Variants in RGS6 observed in about 807,000 individuals in gnomAD.
RGS6 encodes the protein regulator of G-protein signaling 6.
Under a neutral mutation model 78.5 loss-of-function variants are expected in RGS6, and 30 were observed. The observed-to-expected ratio is 0.38, with a 90% confidence interval of 0.29 to 0.52. The LOEUF (loss-of-function observed/expected upper bound fraction) is 0.52, where lower values mean the gene tolerates loss of function less well. Among genes scored for constraint, RGS6 ranks in the 20% least tolerant of loss-of-function variants. RGS6 has a pLI of 0.85. For missense variants in RGS6, 495 were observed against 609.7 expected, an observed-to-expected ratio of 0.81 and a Z score of 1.98; for synonymous variants, 206 against 206.0, an observed-to-expected ratio of 1.00 and a Z score of 0.00.
At chr14:72,589,395 C>A in the RGS6 span, among the ~76,000 whole-genome samples, 1 of 152,100 alleles carries the variant, frequency 6.6e-6, no homozygotes, top group African/African-American at 2.4e-5. Context: ...ACAAAAAATA[C>A]AAATATTAGC....
At chr14:72,070,148 C>G (rs77887166) in intron 2 of RGS6, among the ~76,000 whole-genome samples, 313 of 152,164 alleles carry the variant, frequency 2.1e-3, no homozygotes, top group African/African-American at 7.1e-3. Flanking sequence ...CTCTCTCTCT[C>G]TGTCTCTCTC....
chr14:72,544,924 G>A (rs1405220725), intron 17 of RGS6, among the ~76,000 whole-genome samples: 2 of 152,232 alleles, frequency 1.3e-5, no homozygotes, highest in Non-Finnish European at 2.9e-5. Flanking sequence ...CAGGGGAGGG[G>A]GCAGGCAGGC....
chr14:72,397,183 G>C (rs557182314), intron 3 of RGS6, among the ~76,000 whole-genome samples: 4 of 152,194 alleles, frequency 2.6e-5, no homozygotes, highest in Non-Finnish European at 4.4e-5. Context: ...TCCTAGCCTT[G>C]AGCATGGAAT....
the RGS6 span, among the ~76,000 whole-genome samples, chr14:72,587,732 T>C: frequency 0.36 from 55,223 of 151,808 alleles, 10,892 homozygotes; most frequent in Non-Finnish European, 0.43. Context: ...ATGAGTCCTA[T>C]CCAAATCTCA....
chr14:72,306,345 A>C (rs2067238874), intron 2 of RGS6, among the ~76,000 whole-genome samples: 2 of 152,246 alleles, frequency 1.3e-5, no homozygotes, highest in South Asian at 4.1e-4. Context: ...TGTTGTTTTC[A>C]TGCCTGCTAA....
the RGS6 span, among the ~76,000 whole-genome samples, chr14:71,886,441 G>T: frequency 6.6e-6 from 1 of 152,242 alleles, no homozygotes; most frequent in African/African-American, 2.4e-5. Context: ...TGAGTGAGTT[G>T]TGTTCTAATC....
chr14:72,293,603 A>G (rs1470645318), intron 2 of RGS6, among the ~76,000 whole-genome samples: 2 of 152,158 alleles, frequency 1.3e-5, no homozygotes, highest in Non-Finnish European at 2.9e-5. Flanking sequence ...CTTAGAATCC[A>G]TAGGATCCAG....
At chr14:72,492,307 A>G (rs745367784) in intron 12 of RGS6, among the ~76,000 whole-genome samples, 3 of 152,192 alleles carry the variant, frequency 2.0e-5, no homozygotes, top group Non-Finnish European at 2.9e-5. Context: ...TGATTGGACA[A>G]AAGGGTGTGA....
intron 2 of RGS6, among the ~76,000 whole-genome samples, chr14:72,317,332 T>G (rs1004941059): frequency 6.6e-6 from 1 of 152,150 alleles, no homozygotes; most frequent in Non-Finnish European, 1.5e-5. Flanking sequence ...GAGGTTAAAG[T>G]GTTCTAATTT....
At chr14:72,336,534 A>AGAGAGAGC (rs1400111040) in intron 2 of RGS6, among the ~76,000 whole-genome samples, 1 of 141,692 alleles carries the variant, frequency 7.1e-6, no homozygotes, top group African/African-American at 2.7e-5. Context: ...AGAGAGAGAG[A>AGAGAGAGC]GCGCGCATAG....
chr14:72,014,531 G>A lies in RGS6; in HGVS notation c.84+49656G>A, dbSNP rs141407087. 2.0e-3 allele frequency among the ~76,000 whole-genome samples: 307 copies of A among 152,332 alleles called. 3 individuals are homozygous for A. The highest frequency in any genetic ancestry group is 3.7e-3 in the Non-Finnish European group (254 of 68,036). On this transcript the variant is annotated intron_variant, in intron 2 of 17. Coordinates refer to ENST00000553525, the MANE Select transcript of RGS6 (RefSeq NM_001204424.2). ...TGCAACAACTGAGGTGGGTGATGAG[G>A]GCAGAGAGTGCTGGTTTTGTTTAGG... is the stretch of plus-strand genomic sequence containing the variant.
the RGS6 span, among the ~76,000 whole-genome samples, chr14:71,897,877 G>C: frequency 4.6e-5 from 7 of 151,926 alleles, no homozygotes; most frequent in Admixed American, 3.9e-4. Context: ...AATGTTCAAT[G>C]CTCACTTAAA....
rs1220022005 is a variant in RGS6, at chr14:72,533,048, T to A, written c.1279-3138T>A. ...TATTGGAAGAAGATAAATCTAGGGT[T>A]TTCATAGCTAGAGAAGAGAAGTCCA... On this transcript the variant is annotated intron_variant, in intron 15 of 17. Transcript: ENST00000553525. 2.0e-5 allele frequency among the ~76,000 whole-genome samples: 3 copies of A among 152,192 alleles called. No homozygotes were observed. In the East Asian group the frequency reaches 5.8e-4, roughly 29 times the overall value.
intron 4 of RGS6, among the ~76,000 whole-genome samples, chr14:72,457,900 A>G (rs2095672993): frequency 6.6e-6 from 1 of 152,220 alleles, no homozygotes; most frequent in South Asian, 2.1e-4. Context: ...AGCTGCTAGC[A>G]CTTACGGAGT....
intron 2 of RGS6, among the ~76,000 whole-genome samples, chr14:72,163,479 TG>T (rs2096880861): frequency 6.6e-6 from 1 of 152,164 alleles, no homozygotes; most frequent in African/African-American, 2.4e-5. Context: ...GTGAGATTGG[TG>T]AGGCTTTGGC....
chr14:72,202,226 C>T lies in RGS6; in HGVS notation c.85-149869C>T, dbSNP rs982664450. Among the ~76,000 whole-genome samples the T allele has an allele frequency of 8.5e-5, 13 of 152,258 alleles. No homozygotes were observed. In the East Asian group the frequency reaches 1.2e-3, roughly 14 times the overall value. On this transcript the variant is annotated intron_variant, in intron 2 of 17. Coordinates refer to ENST00000553525, the MANE Select transcript of RGS6 (RefSeq NM_001204424.2). ...TCATGAAGTAAGTCATCTTCACCAA[C>T]GGAAAGAAATATTCTCCAAATCGCT... is the stretch of plus-strand genomic sequence containing the variant.
At chr14:72,081,830 A>G (rs1367293042) in intron 2 of RGS6, among the ~76,000 whole-genome samples, 1 of 152,098 alleles carries the variant, frequency 6.6e-6, no homozygotes, top group African/African-American at 2.4e-5. Flanking sequence ...TTTAAATATT[A>G]TTACCACACC....
rs1287240525 is a variant in RGS6 at position 72,298,140 on chromosome 14, T to C, written c.85-53955T>C. ...AAAATTTTAATTTACTAGAGTATTA[T>C]AGTGAGGGAAGTTTTTTCTTTCTTA... On this transcript the variant is annotated intron_variant, in intron 2 of 17. Transcript: ENST00000553525. Among the ~76,000 whole-genome samples, 5 of 152,254 alleles carry C rather than the reference T, an allele frequency of 3.3e-5. No individual in the cohort carries two copies. The East Asian group carries it at 5.8e-4, about 18-fold the overall frequency.
intron 2 of RGS6, among the ~76,000 whole-genome samples, chr14:72,145,865 G>C (rs1412266202): frequency 1.3e-5 from 2 of 152,156 alleles, no homozygotes; most frequent in South Asian, 4.1e-4. Flanking sequence ...AATCTCATCT[G>C]TCTAGGGATA....
Sources: gnomAD v4.1 joint callset for allele counts (sites outside exome capture counted in the v4.1 genomes callset) on GRCh38, gnomAD v4.1.1 for gene constraint, MANE v1.5 for transcripts, NCBI Gene and HGNC (gene_info 2026-07-23, HGNC 2026-07-21) for gene names.